SV2C: variants seen among roughly 807,000 people sequenced by gnomAD.
The protein encoded by SV2C is synaptic vesicle glycoprotein 2C.
Under a neutral mutation model 79.7 loss-of-function variants are expected in SV2C, and 49 were observed. The observed-to-expected ratio is 0.61, with a 90% confidence interval of 0.49 to 0.78. SV2C has a LOEUF of 0.78. SV2C is among the 30% of genes least tolerant of loss of function. SV2C has a pLI of 0.00. For missense variants in SV2C, 833 were observed against 912.9 expected, an observed-to-expected ratio of 0.91 and a Z score of 1.13; for synonymous variants, 334 against 333.2, an observed-to-expected ratio of 1.00 and a Z score of -0.03.
the SV2C span, among the ~76,000 whole-genome samples, chr5:76,037,859 A>G: frequency 6.6e-6 from 1 of 152,148 alleles, no homozygotes; most frequent in Admixed American, 6.5e-5. Flanking sequence ...GCCGCCTTGC[A>G]GTTTGATCTG....
At chr5:75,957,075 A>G in the SV2C span, among the ~76,000 whole-genome samples, 3 of 152,100 alleles carry the variant, frequency 2.0e-5, no homozygotes, top group Middle Eastern at 3.4e-3. Context: ...CCCTGAGTAC[A>G]TAATCAAGAA....
chr5:76,170,689 C>G (rs1443490163), intron 2 of SV2C, among the ~76,000 whole-genome samples: 2 of 149,856 alleles, frequency 1.3e-5, no homozygotes, highest in African/African-American at 4.9e-5. Context: ...CGTCTTTAAT[C>G]TAAGACATTA....
the SV2C span, among the ~76,000 whole-genome samples, chr5:76,030,289 T>TTTTTTATTTATTTA: frequency 9.3e-5 from 11 of 117,912 alleles, no homozygotes; most frequent in African/African-American, 4.3e-4. Context: ...TTTTTTTTTT[T>TTTTTTATTTATTTA]TTTATTTATT....
intron 2 of SV2C, among the ~76,000 whole-genome samples, chr5:76,177,076 C>T (rs1192531536): frequency 6.7e-6 from 1 of 150,356 alleles, no homozygotes; most frequent in Non-Finnish European, 1.5e-5. Context: ...GATCACGCCA[C>T]TGCACTCCAG....
At chr5:76,182,198 GC>G (rs1346733059) in intron 2 of SV2C, among the ~76,000 whole-genome samples, 1 of 151,868 alleles carries the variant, frequency 6.6e-6, no homozygotes, top group African/African-American at 2.4e-5. Context: ...GCCCTATCCT[GC>G]CCTGTTCACA....
chr5:76,215,137 T>A (rs981928287), intron 4 of SV2C, among the ~76,000 whole-genome samples: 1 of 152,220 alleles, frequency 6.6e-6, no homozygotes, highest in African/African-American at 2.4e-5. Context: ...TGGGAGCTTG[T>A]CATTGATGGC....
intron 4 of SV2C, among the ~76,000 whole-genome samples, chr5:76,260,935 G>T (rs928407346): frequency 1.4e-5 from 2 of 143,640 alleles, no homozygotes; most frequent in Admixed American, 6.9e-5. Context: ...GGCTCTTTTT[G>T]GTTCCATATG....
the SV2C span, among the ~76,000 whole-genome samples, chr5:76,004,566 C>T: frequency 6.6e-6 from 1 of 152,070 alleles, no homozygotes; most frequent in Admixed American, 6.6e-5. Flanking sequence ...GGCCCACAAT[C>T]TTGGGGCTTG....
intron 4 of SV2C, among the ~76,000 whole-genome samples, chr5:76,238,590 A>T (rs1745690605): frequency 6.6e-6 from 1 of 152,174 alleles, no homozygotes; most frequent in Non-Finnish European, 1.5e-5. Context: ...AAAACTGAAT[A>T]AGGGGAGCTT....
At chr5:76,216,807 C>T (rs1744917628) in intron 4 of SV2C, among the ~76,000 whole-genome samples, 1 of 152,200 alleles carries the variant, frequency 6.6e-6, no homozygotes. Context: ...ATGGAAGCCC[C>T]AGTACCTCAG....
At chr5:75,872,607 AG>A in the SV2C span, among the ~76,000 whole-genome samples, 1 of 152,212 alleles carries the variant, frequency 6.6e-6, no homozygotes, top group African/African-American at 2.4e-5. Context: ...GTATTGGAAA[AG>A]CATGCTTATT....
At chr5:75,918,980 C>A in the SV2C span, among the ~76,000 whole-genome samples, 4 of 152,182 alleles carry the variant, frequency 2.6e-5, no homozygotes, top group African/African-American at 9.7e-5. Context: ...CTGCCTGATG[C>A]CCTGAAGTTT....
At chr5:76,094,107 T>C (rs1034041605) in intron 1 of SV2C, among the ~76,000 whole-genome samples, 10 of 152,126 alleles carry the variant, frequency 6.6e-5, no homozygotes, top group African/African-American at 2.4e-4. Flanking sequence ...AATAAATAAA[T>C]AAATAAAATG....
intron 2 of SV2C, among the ~76,000 whole-genome samples, chr5:76,144,008 T>C (rs1749341762): frequency 1.7e-5 from 2 of 115,746 alleles, no homozygotes; most frequent in East Asian, 3.9e-4. Context: ...GAATAAAAAC[T>C]TGATGGCCTA....
At chr5:76,009,370 A>T in the SV2C span, among the ~76,000 whole-genome samples, 1 of 152,210 alleles carries the variant, frequency 6.6e-6, no homozygotes, top group South Asian at 2.1e-4. Flanking sequence ...CAAAGAACTT[A>T]AAACAGAATT....
the SV2C span, among the ~76,000 whole-genome samples, chr5:75,853,779 C>T: frequency 6.6e-6 from 1 of 151,456 alleles, no homozygotes; most frequent in South Asian, 2.1e-4. Flanking sequence ...AATTAATTTA[C>T]ATTACGTTCT....
chr5:75,980,392 C>A, the SV2C span, among the ~76,000 whole-genome samples: 1 of 152,084 alleles, frequency 6.6e-6, no homozygotes, highest in Admixed American at 6.6e-5. Context: ...GATACCAAAA[C>A]CTGGCAGAGA....
At chr5:75,859,807 G>A in the SV2C span, among the ~76,000 whole-genome samples, 9 of 152,254 alleles carry the variant, frequency 5.9e-5, no homozygotes, top group Admixed American at 4.6e-4. Context: ...GACACACGCC[G>A]TTGCTCACAG....
At chr5:76,225,635 T>C (rs962363291) in intron 4 of SV2C, among the ~76,000 whole-genome samples, 1 of 152,068 alleles carries the variant, frequency 6.6e-6, no homozygotes, top group Non-Finnish European at 1.5e-5. Context: ...GCCGAAGAGA[T>C]GAGCCATTTA....
Sources: gnomAD v4.1 joint callset for allele counts (sites outside exome capture counted in the v4.1 genomes callset) on GRCh38, gnomAD v4.1.1 for gene constraint, MANE v1.5 for transcripts, NCBI Gene and HGNC (gene_info 2026-07-23, HGNC 2026-07-21) for gene names.